Variants in NF1 observed in about 807,000 individuals in gnomAD.
NF1 encodes neurofibromin 1.
NF1 carries 122 observed loss-of-function variants against 325.7 expected under a neutral mutation model. That is an observed-to-expected ratio of 0.37 (90% CI 0.32 to 0.44). The LOEUF is 0.44. NF1 is among the 20% of genes least tolerant of loss of function. The pLI is 1.00. For synonymous variants in NF1, 1,091 were observed against 1,186.0 expected (o/e 0.92, Z 1.65); for missense variants, 2,140 against 3,415.4 (o/e 0.63, Z 9.31).
chr17:31,103,076 A>G (rs1912502245), intron 1 of NF1, among the ~76,000 whole-genome samples: 1 of 152,052 alleles, frequency 6.6e-6, no homozygotes, highest in Non-Finnish European at 1.5e-5. Flanking sequence ...ACTGACCTCA[A>G]ACAATCCACC....
intron 7 of NF1, among the ~76,000 whole-genome samples, chr17:31,182,202 T>C (rs1330997249): frequency 6.6e-6 from 1 of 152,216 alleles, no homozygotes; most frequent in Non-Finnish European, 1.5e-5. Context: ...TGGGAAGCTG[T>C]TCAGTCTTTG....
intron 46 of NF1, 92 bp downstream of exon 46, chr17:31,338,897 G>T: frequency 1.1e-6 from 1 of 872,634 alleles, no homozygotes; most frequent in Admixed American, 1.9e-5. Flanking sequence ...AAGATGAATT[G>T]AGAATAAGTT....
intron 8 of NF1, among the ~76,000 whole-genome samples, chr17:31,185,857 C>A (rs2952977): frequency 0.64 from 97,058 of 152,004 alleles, 31,472 homozygotes; most frequent in Middle Eastern, 0.81. Context: ...GATGCTGTTT[C>A]GAGCCTTTGG....
chr17:31,211,689 A>G (rs1444053740), intron 12 of NF1, among the ~76,000 whole-genome samples: 1 of 152,220 alleles, frequency 6.6e-6, no homozygotes, highest in Non-Finnish European at 1.5e-5. Context: ...TTGTAGCACA[A>G]TGGTAAGTAT....
chr17:31,186,655 C>G (rs2066245079), intron 8 of NF1, among the ~76,000 whole-genome samples: 1 of 152,188 alleles, frequency 6.6e-6, no homozygotes, highest in Admixed American at 6.5e-5. Flanking sequence ...TGTGAGTGCT[C>G]ACCAACAGGT....
intron 57 of NF1, among the ~76,000 whole-genome samples, chr17:31,373,717 C>T (rs528285993): frequency 6.6e-6 from 1 of 152,326 alleles, no homozygotes; most frequent in Middle Eastern, 3.4e-3. Flanking sequence ...TGTACCTTTT[C>T]TGTGTTAGAT....
intron 36 of NF1, among the ~76,000 whole-genome samples, chr17:31,316,813 G>GT (rs1039139925): frequency 1.3e-5 from 2 of 152,012 alleles, no homozygotes; most frequent in African/African-American, 4.8e-5. Context: ...GAATAGATTT[G>GT]TTTTTTACAA....
intron 39 of NF1, among the ~76,000 whole-genome samples, chr17:31,334,482 A>G (rs1053248243): frequency 1.3e-5 from 2 of 152,158 alleles, no homozygotes; most frequent in Admixed American, 6.5e-5. Context: ...TGATACACCA[A>G]TGTTAATACA....
rs786203335 is a variant in NF1, at chr17:31,330,305, C to G, written c.5619C>G (p.Ala1873=). The G allele has an allele frequency of 6.2e-7, 1 of 1,613,976 alleles. No individual in the cohort carries two copies. The highest frequency in any genetic ancestry group is 8.5e-7 in the Non-Finnish European group (1 of 1,179,906). ...GSSDPSLRSA[A]YNLLCALTCT... is the part of the protein sequence containing the mutation. ...TTGTGTTTTCTCCTAGGTCAGCTGC[C>G]TATAATCTTCTGTGTGCCTTAACTT... is the stretch of plus-strand genomic sequence containing the variant. The change falls in exon 39 of 58, where the codon GCC becomes GCG. Residue 1873 remains alanine (A), a synonymous_variant. Coordinates refer to ENST00000358273, the MANE Select transcript of NF1 (RefSeq NM_001042492.3).
At chr17:31,215,144 G>C (rs1232036886) in intron 13 of NF1, among the ~76,000 whole-genome samples, 1 of 152,080 alleles carries the variant, frequency 6.6e-6, no homozygotes, top group Non-Finnish European at 1.5e-5. Flanking sequence ...TTGAGACAGG[G>C]TCTTGCTCTG....
chr17:31,359,292 C>T (rs1201259548), intron 56 of NF1: 6 of 438,546 alleles, frequency 1.4e-5, no homozygotes, highest in South Asian at 7.4e-5. Context: ...CTGCCACAGT[C>T]CCTTGTGTAT....
intron 8 of NF1, among the ~76,000 whole-genome samples, chr17:31,190,401 C>G (rs759617246): frequency 6.6e-5 from 10 of 152,122 alleles, no homozygotes; most frequent in Non-Finnish European, 1.0e-4. Context: ...AATATACATA[C>G]GTAGGGTGGT....
chr17:31,172,813 T>C (rs939039734), intron 5 of NF1, among the ~76,000 whole-genome samples: 4 of 152,058 alleles, frequency 2.6e-5, no homozygotes, highest in African/African-American at 9.7e-5. Flanking sequence ...CCTTAATCAG[T>C]ATTTTATTTT....
intron 36 of NF1, among the ~76,000 whole-genome samples, chr17:31,283,944 C>T (rs572157726): frequency 6.6e-6 from 1 of 152,340 alleles, no homozygotes; most frequent in Admixed American, 6.5e-5. Context: ...AAGTAATCCA[C>T]ATTACTTGGG....
intron 1 of NF1, among the ~76,000 whole-genome samples, chr17:31,118,735 G>T (rs554892215): frequency 6.6e-6 from 1 of 152,244 alleles, no homozygotes; most frequent in South Asian, 2.1e-4. Flanking sequence ...ATTGTGAACA[G>T]TGCCGCAATA....
intron 1 of NF1, among the ~76,000 whole-genome samples, chr17:31,106,834 A>T (rs1912905320): frequency 6.6e-6 from 1 of 152,208 alleles, no homozygotes; most frequent in Non-Finnish European, 1.5e-5. Context: ...AAGTGGGAGA[A>T]TAGAATTTGT....
intron 2 of NF1, 86 bp downstream of exon 2, chr17:31,156,212 G>A (rs2065659615): frequency 2.7e-6 from 4 of 1,487,470 alleles, no homozygotes; most frequent in Non-Finnish European, 3.7e-6. Context: ...TTTGAAGTAT[G>A]GAAAGTGATT....
intron 57 of NF1, among the ~76,000 whole-genome samples, chr17:31,364,143 G>A (rs1198037954): frequency 6.6e-6 from 1 of 152,164 alleles, no homozygotes; most frequent in East Asian, 1.9e-4. Flanking sequence ...CTGTTTAGCT[G>A]TATAGAAACC....
Position 31,206,387 on chromosome 17 carries a change from A to G in NF1, c.1392+16A>G, listed in dbSNP as rs760591025. ...AATGGCACCGGTAAGATAAATCACG[A>G]ATTTTGAATCTCACCTCCTTTCTAT... On this transcript the variant is annotated intron_variant, in intron 12 of 57. Coordinates refer to ENST00000358273, the MANE Select transcript of NF1 (RefSeq NM_001042492.3). 1.2e-6 allele frequency: 2 copies of G among 1,613,242 alleles called. No individual in the cohort carries two copies. Among genetic ancestry groups the G allele is most frequent in the African/African-American group, 2.7e-5 (2 of 74,856 alleles).
Sources: allele counts gnomAD v4.1 joint callset (sites outside exome capture counted in the v4.1 genomes callset), GRCh38; gene constraint gnomAD v4.1.1; transcripts MANE v1.5; gene names NCBI Gene and HGNC (gene_info 2026-07-23, HGNC 2026-07-21).